Variants in AMDHD2 observed in about 807,000 individuals in gnomAD.
AMDHD2 encodes amidohydrolase domain containing 2, also known as N-acetylglucosamine-6-phosphate deacetylase.
AMDHD2 carries 24 observed loss-of-function variants against 41.8 expected under a neutral mutation model. That is an observed-to-expected ratio of 0.57 (90% confidence interval 0.42 to 0.81). AMDHD2 has a LOEUF of 0.81. Ranked by LOEUF, AMDHD2 falls within the 30% of genes least tolerant of loss-of-function variation. AMDHD2 has a pLI of 0.00. For synonymous variants in AMDHD2, 332 were observed against 255.5 expected (o/e 1.30, Z -2.85); for missense variants, 540 against 588.5 (o/e 0.92, Z 0.85).
In AMDHD2 at chr16:2,521,063, G is replaced by T. The variant is rs367630951; in HGVS notation, c.300G>T (p.Ser100=). Residue 100 remains serine (S), a synonymous_variant, in exon 3 of 11, where the codon TCG becomes TCT. Transcript: ENST00000293971. ...CCCTCGTGGCCCGGAGGATCCTGTC[G>T]CACGGCGTCACCTCCTTCTGCCCCA... The part of the protein sequence containing the change: ...GVALVARRIL[S]HGVTSFCPTL... 5.9e-5 allele frequency: 95 copies of T among 1,610,926 alleles called. No individual in the cohort carries two copies. The highest frequency in any genetic ancestry group is 1.8e-4 in the Admixed American group (11 of 59,648).
intron 3 of AMDHD2, among the ~76,000 whole-genome samples, chr16:2,526,776 C>T (rs765453864): frequency 3.3e-5 from 5 of 151,992 alleles, no homozygotes; most frequent in South Asian, 2.1e-4. Context: ...ACTAAAAATA[C>T]AAAATTAGCC....
Position 2,520,503 on chromosome 16 carries a change from C to T in AMDHD2, c.45C>T (p.Phe15=). 1.6e-6 allele frequency: 2 copies of T among 1,234,090 alleles called. No homozygotes were observed. The highest frequency in any genetic ancestry group is 2.0e-6 in the Non-Finnish European group (2 of 982,228). The allele number at this position is 1,234,090 out of a possible 1,614,324, so 76.4% of individuals were successfully genotyped here. ...QGAAGARVLQ[F]TNCRILRGGK... ...CGGCGGGGGCCCGCGTGCTCCAGTT[C>T]ACTAACTGCCGGATCCTGCGCGGAG... Residue 15 remains phenylalanine (F), a synonymous_variant, in exon 1 of 11, where the codon TTC becomes TTT. Coordinates refer to ENST00000293971, the MANE Select transcript of AMDHD2 (RefSeq NM_001330449.2).
At position 2,531,238 on chromosome 16, in the gene AMDHD2, T is replaced by A. The variant is rs1056911908; in HGVS notation, c.*1675T>A. The stretch of plus-strand genomic sequence containing the variant: ...AGGGTCGGGGAGGGGCTGGCAGAGA[T>A]GGTTGGTCCACAGGGCTAGCCCTGG... On this transcript the variant is annotated 3_prime_UTR_variant, in exon 11 of 11. Coordinates refer to ENST00000293971, the MANE Select transcript of AMDHD2 (RefSeq NM_001330449.2). 2.1e-5 allele frequency: 19 copies of A among 891,128 alleles called. No homozygotes were observed. Among genetic ancestry groups the A allele is most frequent in the Non-Finnish European group, 3.2e-5 (19 of 590,138 alleles). 55.2% of individuals were successfully genotyped at this position (891,128 alleles called of 1,614,324 possible).
intron 1 of AMDHD2, 85 bp downstream of exon 1, chr16:2,520,626 G>A: frequency 9.6e-7 from 1 of 1,044,252 alleles, no homozygotes; most frequent in Non-Finnish European, 1.2e-6. Flanking sequence ...TGCAGGGTGC[G>A]GGGCCGGGGA....
Position 2,529,043 on chromosome 16 carries a change from G to A in AMDHD2, c.1089G>A (p.Gln363=), listed in dbSNP as rs1299966286. ...AGGCTGCATCCCTGCACCCCGCCCA[G>A]TTGCTGGGGCTGGAGAAGAGTAAGG... ...ALEAASLHPA[Q]LLGLEKSKGT... Residue 363 remains glutamine, a synonymous_variant, in exon 10 of 11, where the codon CAG becomes CAA. Transcript: ENST00000293971. The A allele has an allele frequency of 6.3e-7, 1 of 1,599,652 alleles. No individual in the cohort carries two copies. Among genetic ancestry groups the A allele is most frequent in the African/African-American group, 1.3e-5 (1 of 74,586 alleles).
At position 2,527,674 on chromosome 16, in the gene AMDHD2, C is replaced by T. The variant is rs899987130; in HGVS notation, c.415+59C>T. On this transcript the variant is annotated intron_variant, in intron 4 of 10. Coordinates refer to ENST00000293971, the MANE Select transcript of AMDHD2 (RefSeq NM_001330449.2). The surrounding 1 kb of genome is among the most constrained non-coding windows in gnomAD (Gnocchi z 6.1). Reference sequence around the variant, plus strand: ...GGGAGGCTCCTGCGGGACCTGTTGGCAGCCCCCACCCCTCCAGATGCCCAG... The same window carrying T: ...GGGAGGCTCCTGCGGGACCTGTTGGTAGCCCCCACCCCTCCAGATGCCCAG... 5 of 1,573,306 alleles carry T rather than the reference C, an allele frequency of 3.2e-6. No individual in the cohort carries two copies. Among genetic ancestry groups the T allele is most frequent in the African/African-American group, 1.3e-5 (1 of 74,162 alleles).
At chr16:2,522,057 T>C (rs145261004) in intron 3 of AMDHD2, among the ~76,000 whole-genome samples, 5 of 152,126 alleles carry the variant, frequency 3.3e-5, no homozygotes, top group Admixed American at 3.3e-4. Context: ...GTGCTGGGAT[T>C]ACAGGCGTGA....
chr16:2,521,286 T>G (rs927348815), intron 3 of AMDHD2, among the ~76,000 whole-genome samples, 163 bp downstream of exon 3: 7 of 149,088 alleles, frequency 4.7e-5, no homozygotes, highest in African/African-American at 1.0e-4. Context: ...CCCCTGTGCT[T>G]CTTTATCAGT....
Position 2,527,465 on chromosome 16 carries a change from C to A in AMDHD2, c.361-96C>A. On this transcript the variant is annotated intron_variant, in intron 3 of 10. Transcript: ENST00000293971. This position sits in a 1 kb window ranked among gnomAD's most constrained non-coding sequence, Gnocchi z 6.1. ...GGCCGGGGCTGGGCTGGGTGCTGGG[C>A]TCTGAACTCTGACCTGAGATCTCTG... 7.2e-7 allele frequency: 1 copy of A among 1,388,704 alleles called. No individual in the cohort carries two copies. Among genetic ancestry groups the A allele is most frequent in the Non-Finnish European group, 1.0e-6 (1 of 998,178 alleles). The allele number at this position is 1,388,704 out of a possible 1,614,324, so 86.0% of individuals were successfully genotyped here.
chr16:2,524,278 C>T (rs1285808944), intron 3 of AMDHD2, among the ~76,000 whole-genome samples: 5 of 152,260 alleles, frequency 3.3e-5, no homozygotes, highest in African/African-American at 1.2e-4. Flanking sequence ...AGACCACCTT[C>T]TCTTTTCTGG....
intron 3 of AMDHD2, among the ~76,000 whole-genome samples, chr16:2,523,320 G>C (rs2065965540): frequency 6.6e-6 from 1 of 152,136 alleles, no homozygotes; most frequent in South Asian, 2.1e-4. Flanking sequence ...CATCACTTGC[G>C]TTATATGCCC....
At position 2,529,071 on chromosome 16, in the gene AMDHD2, A is replaced by T. The variant is rs1416262874; in HGVS notation, c.1117A>T (p.Thr373Ser). 1.3e-6 allele frequency: 2 copies of T among 1,593,992 alleles called. No individual in the cohort carries two copies. The highest frequency in any genetic ancestry group is 2.7e-5 in the African/African-American group (2 of 74,424). The change falls in exon 10 of 11, where the codon ACC becomes TCC. Residue 373 changes from threonine to serine, a missense_variant. Thr to Ser is a moderately conservative substitution (Grantham distance 58, BLOSUM62 1). Coordinates refer to ENST00000293971, the MANE Select transcript of AMDHD2 (RefSeq NM_001330449.2). ...GCTGGGGCTGGAGAAGAGTAAGGGG[A>T]CCCTGGACTTTGGTGCTGACGCAGG... Reference protein sequence around the residue: ...QLLGLEKSKGTLDFGADADFV... With the variant: ...QLLGLEKSKGSLDFGADADFV...
chr16:2,527,842 CCTT>C lies in AMDHD2; in HGVS notation c.487_489del (p.Phe163del). ...GCGCACCCCGAGGCCCACCTCCGCT[CCTT>C]CGAGGCCGATGCCTTCCAGGACTTG... is the stretch of plus-strand genomic sequence containing the variant. On this transcript the variant is annotated inframe_deletion, in exon 5 of 11. Transcript: ENST00000293971. The surrounding 1 kb of genome is among the most constrained non-coding windows in gnomAD (Gnocchi z 6.1). 6.3e-7 allele frequency: 1 copy of C among 1,596,956 alleles called. No individual in the cohort carries two copies. Among genetic ancestry groups the C allele is most frequent in the Non-Finnish European group, 8.5e-7 (1 of 1,178,638 alleles).
intron 3 of AMDHD2, among the ~76,000 whole-genome samples, chr16:2,521,492 C>T (rs548687065): frequency 6.6e-6 from 1 of 152,164 alleles, no homozygotes; most frequent in African/African-American, 2.4e-5. Flanking sequence ...CCTGGTCAGG[C>T]TCTTCCTCCC....
At chr16:2,520,708 G>T (rs2065922733) in intron 1 of AMDHD2, 61 bp from the exon 2 acceptor site, 1 of 1,439,906 alleles carries the variant, frequency 6.9e-7, no homozygotes, top group East Asian at 2.7e-5. Flanking sequence ...ACCGGGCGGG[G>T]TGCAGGGTGC....
chr16:2,528,907 T>C, intron 9 of AMDHD2, 87 bp from the exon 10 acceptor site: 1 of 1,483,378 alleles, frequency 6.7e-7, no homozygotes, highest in Non-Finnish European at 9.1e-7. Flanking sequence ...GCAGAGTCCC[T>C]GAGACAGGGA....
Position 2,528,268 on chromosome 16 carries a change from C to G in AMDHD2, c.750C>G (p.Leu250=). Reference sequence around the variant, plus strand: ...ACCGCGACCCAGGCATCGTGGGGCTCCTGACCAGCGACCGGCTGCCCGCAG... The same window carrying G: ...ACCGCGACCCAGGCATCGTGGGGCTGCTGACCAGCGACCGGCTGCCCGCAG... ...FHHRDPGIVG[L]LTSDRLPAGR... is the part of the protein sequence containing the mutation. The change falls in exon 7 of 11, where the codon CTC becomes CTG. Residue 250 remains leucine, a synonymous_variant. Coordinates refer to ENST00000293971, the MANE Select transcript of AMDHD2 (RefSeq NM_001330449.2). 1 of 1,612,450 alleles carries G rather than the reference C, an allele frequency of 6.2e-7. No homozygotes were observed. Among genetic ancestry groups the G allele is most frequent in the Non-Finnish European group, 8.5e-7 (1 of 1,179,900 alleles).
chr16:2,525,249 G>C lies in AMDHD2; in HGVS notation c.361-2312G>C, dbSNP rs1231325797. ...TTTTTGTAATTTTTAGTAGAGATGGGCTTGCTCCATGTTGGCAAGGCTGGT... is the reference window on the plus strand; with the variant it reads ...TTTTTGTAATTTTTAGTAGAGATGGCCTTGCTCCATGTTGGCAAGGCTGGT... On this transcript the variant is annotated intron_variant, in intron 3 of 10. Coordinates refer to ENST00000293971, the MANE Select transcript of AMDHD2 (RefSeq NM_001330449.2). Among the ~76,000 whole-genome samples the C allele has an allele frequency of 2.6e-5, 4 of 151,806 alleles. No homozygotes were observed. The East Asian group carries it at 7.8e-4, about 30-fold the overall frequency.
At position 2,530,982 on chromosome 16, in the gene AMDHD2, A is replaced by C; in HGVS notation, c.*1419A>C. On this transcript the variant is annotated 3_prime_UTR_variant, in exon 11 of 11. Coordinates refer to ENST00000293971, the MANE Select transcript of AMDHD2 (RefSeq NM_001330449.2). Reference sequence around the variant, plus strand: ...AGCTGTCTTGCCAGGGCTCCCAGGCAGGGAGAGGCAGGTGAGGTTCTCAGC... The same window carrying C: ...AGCTGTCTTGCCAGGGCTCCCAGGCCGGGAGAGGCAGGTGAGGTTCTCAGC... 1 of 1,613,238 alleles carries C rather than the reference A, an allele frequency of 6.2e-7. No individual in the cohort carries two copies. Among genetic ancestry groups the C allele is most frequent in the Non-Finnish European group, 8.5e-7 (1 of 1,179,812 alleles).
Sources: gnomAD v4.1 joint callset for allele counts (sites outside exome capture counted in the v4.1 genomes callset) on GRCh38, gnomAD v4.1.1 for gene constraint, Gnocchi (gnomAD v3.1) non-coding constraint, MANE v1.5 for transcripts, NCBI Gene and HGNC (gene_info 2026-07-23, HGNC 2026-07-21) for gene names.